TMCC1: variants seen among roughly 807,000 people sequenced by gnomAD.
TMCC1 encodes the protein transmembrane and coiled-coil domain family 1.
Under a neutral mutation model 52.4 loss-of-function variants are expected in TMCC1, and 15 were observed. That is an observed-to-expected ratio of 0.29 (90% CI 0.19 to 0.44). TMCC1 has a LOEUF of 0.44. TMCC1 is among the 20% of genes least tolerant of loss of function. TMCC1 has a pLI of 1.00. For missense variants in TMCC1, 503 were observed against 806.0 expected (o/e 0.62, Z 4.55); for synonymous variants, 279 against 301.9 (o/e 0.92, Z 0.79).
chr3:129,729,903 G>A (rs1165103344), intron 4 of TMCC1, among the ~76,000 whole-genome samples: 1 of 152,100 alleles, frequency 6.6e-6, no homozygotes, highest in African/African-American at 2.4e-5. Flanking sequence ...GAGCGGAGAT[G>A]GGAGGAATAA....
At chr3:129,889,423 T>C (rs1392312391) in intron 1 of TMCC1, among the ~76,000 whole-genome samples, 1 of 152,164 alleles carries the variant, frequency 6.6e-6, no homozygotes, top group African/African-American at 2.4e-5. Context: ...GATCCTGGGA[T>C]AGTGAAAGAA....
chr3:129,710,461 C>T (rs2048590627), intron 4 of TMCC1, among the ~76,000 whole-genome samples: 1 of 152,104 alleles, frequency 6.6e-6, no homozygotes, highest in Non-Finnish European at 1.5e-5. Flanking sequence ...GTGTGCCCAG[C>T]TATCATTCCA....
chr3:129,888,063 T>A (rs965947167), intron 1 of TMCC1, among the ~76,000 whole-genome samples: 20 of 152,180 alleles, frequency 1.3e-4, no homozygotes, highest in African/African-American at 4.8e-4. Context: ...AAAAGAACTA[T>A]CTGTAAGTCT....
chr3:129,890,679 T>C (rs1053971633), intron 1 of TMCC1, among the ~76,000 whole-genome samples: 2 of 152,304 alleles, frequency 1.3e-5, no homozygotes, highest in African/African-American at 2.4e-5. Flanking sequence ...GATACCTATA[T>C]AACAATTTAT....
chr3:129,671,214 G>A lies in TMCC1; in HGVS notation c.627C>T (p.Ala209=), dbSNP rs781616426. ...SSLAQTSSAV[A]SSTDGSIHTD... is the part of the protein sequence containing the mutation. ...TGTGGATGCTGCCATCGGTACTGGA[G>A]GCCACTGCACTGGATGTTTGGGCAA... is the stretch of plus-strand genomic sequence containing the variant. Residue 209 remains alanine (A), a synonymous_variant, in exon 5 of 7, where the codon GCC becomes GCT. Transcript: ENST00000393238. The A allele has an allele frequency of 6.2e-7, 1 of 1,614,104 alleles. No individual in the cohort carries two copies. Among genetic ancestry groups the A allele is most frequent in the South Asian group, 1.1e-5 (1 of 91,076 alleles).
chr3:129,868,304 T>C (rs533676058), intron 2 of TMCC1, among the ~76,000 whole-genome samples: 2 of 152,326 alleles, frequency 1.3e-5, no homozygotes, highest in East Asian at 3.9e-4. Context: ...AAAATGAACA[T>C]TATTCCTGGC....
At chr3:129,732,121 G>A (rs1271085432) in intron 4 of TMCC1, among the ~76,000 whole-genome samples, 2 of 152,118 alleles carry the variant, frequency 1.3e-5, no homozygotes, top group East Asian at 1.9e-4. Flanking sequence ...ACCTCACTTA[G>A]TTCTAGGAGT....
intron 2 of TMCC1, among the ~76,000 whole-genome samples, chr3:129,848,182 T>C (rs11543301): frequency 6.6e-6 from 1 of 152,200 alleles, no homozygotes; most frequent in Non-Finnish European, 1.5e-5. Context: ...ATTTAGCGAT[T>C]TTTTCCCCTT....
intron 2 of TMCC1, among the ~76,000 whole-genome samples, chr3:129,862,967 CTAAGA>C (rs1459441614): frequency 6.6e-6 from 1 of 152,080 alleles, no homozygotes; most frequent in Non-Finnish European, 1.5e-5. Flanking sequence ...TTTTCTATAG[CTAAGA>C]TGTTATTATC....
chr3:129,780,786 C>A, intron 4 of TMCC1, among the ~76,000 whole-genome samples: 1 of 152,098 alleles, frequency 6.6e-6, no homozygotes, highest in East Asian at 1.9e-4. Context: ...TAAATTTCAT[C>A]ATTCATGGAT....
chr3:129,685,748 T>C (rs1430401724), intron 4 of TMCC1, among the ~76,000 whole-genome samples: 9 of 152,232 alleles, frequency 5.9e-5, no homozygotes, highest in Admixed American at 4.6e-4. Flanking sequence ...TTTAGACTTA[T>C]AGAGCCAAAA....
intron 4 of TMCC1, among the ~76,000 whole-genome samples, chr3:129,692,621 G>T (rs1173299594): frequency 6.6e-6 from 1 of 152,158 alleles, no homozygotes; most frequent in East Asian, 1.9e-4. Context: ...AGTCTGCTAA[G>T]ATGCTTGTGT....
chr3:129,800,810 C>G (rs1423294762), intron 4 of TMCC1, among the ~76,000 whole-genome samples: 1 of 151,956 alleles, frequency 6.6e-6, no homozygotes, highest in Non-Finnish European at 1.5e-5. Flanking sequence ...TACTAAACAT[C>G]AGACATGATT....
intron 4 of TMCC1, among the ~76,000 whole-genome samples, chr3:129,787,681 T>C (rs1439816417): frequency 1.3e-5 from 2 of 152,178 alleles, no homozygotes; most frequent in African/African-American, 4.8e-5. Flanking sequence ...ATTCCCAAAA[T>C]ATGCTTTCAG....
chr3:129,801,771 G>A (rs1360075823), intron 4 of TMCC1, among the ~76,000 whole-genome samples: 1 of 152,122 alleles, frequency 6.6e-6, no homozygotes. Flanking sequence ...GTTCTCTAGG[G>A]TAGATGCTAA....
chr3:129,695,631 T>C (rs2047361781), intron 4 of TMCC1, among the ~76,000 whole-genome samples: 1 of 152,040 alleles, frequency 6.6e-6, no homozygotes, highest in African/African-American at 2.4e-5. Context: ...AGCATGAGGG[T>C]AACTGGCCCC....
intron 4 of TMCC1, among the ~76,000 whole-genome samples, chr3:129,820,397 T>A (rs1001126998): frequency 1.3e-5 from 2 of 151,808 alleles, no homozygotes; most frequent in African/African-American, 4.8e-5. Context: ...TCCCAAGGAC[T>A]AAGGATTATT....
intron 2 of TMCC1, among the ~76,000 whole-genome samples, chr3:129,862,051 A>G (rs1411543197): frequency 6.6e-6 from 1 of 152,248 alleles, no homozygotes; most frequent in African/African-American, 2.4e-5. Context: ...ATACTGATAC[A>G]TGCTACAACA....
intron 4 of TMCC1, among the ~76,000 whole-genome samples, chr3:129,707,282 T>A (rs79231894): frequency 2.0e-5 from 3 of 152,048 alleles, no homozygotes; most frequent in Non-Finnish European, 4.4e-5. Flanking sequence ...CTCAAATACA[T>A]GCTTATATTA....
Sources: allele counts gnomAD v4.1 joint callset (sites outside exome capture counted in the v4.1 genomes callset), GRCh38; gene constraint gnomAD v4.1.1; transcripts MANE v1.5; gene names NCBI Gene and HGNC (gene_info 2026-07-23, HGNC 2026-07-21).